NRXN3: variants seen among roughly 807,000 people sequenced by gnomAD.
The protein encoded by NRXN3 is neurexin 3.
A neutral mutation model predicts 137.6 loss-of-function variants in NRXN3; 32 were observed. The observed-to-expected ratio is 0.23, with a 90% confidence interval of 0.18 to 0.31. The LOEUF (loss-of-function observed/expected upper bound fraction) is 0.31. Ranked by LOEUF, NRXN3 falls within the 10% of genes least tolerant of loss-of-function variation. The pLI, the probability that NRXN3 is intolerant of heterozygous loss-of-function variation, is 1.00. For synonymous variants in NRXN3, 798 were observed against 784.5 expected (o/e 1.02, Z -0.29); for missense variants, 1,574 against 2,062.5 (o/e 0.76, Z 4.59).
At chr14:78,474,664 G>A (rs2095347121) in intron 4 of NRXN3, among the ~76,000 whole-genome samples, 1 of 152,202 alleles carries the variant, frequency 6.6e-6, no homozygotes, top group African/African-American at 2.4e-5. Context: ...AGTTGCCAAT[G>A]TTGTTTGCAT....
chr14:78,901,670 G>A (rs1281185574), intron 10 of NRXN3, among the ~76,000 whole-genome samples: 2 of 151,950 alleles, frequency 1.3e-5, no homozygotes, highest in African/African-American at 4.8e-5. Flanking sequence ...GTTAATGACA[G>A]GTAAGGAAGC....
chr14:79,853,554 C>A, intron 20 of NRXN3: 1 of 1,350,552 alleles, frequency 7.4e-7, no homozygotes, highest in Non-Finnish European at 9.8e-7. Flanking sequence ...AGCTCTAATG[C>A]AGCTAGATCA....
intron 4 of NRXN3, among the ~76,000 whole-genome samples, chr14:78,336,646 G>A (rs1299464790): frequency 6.6e-6 from 1 of 152,172 alleles, no homozygotes; most frequent in African/African-American, 2.4e-5. Flanking sequence ...GATGAGGAGA[G>A]TAAGTGCCTC....
At chr14:79,256,206 C>T (rs570793023) in intron 15 of NRXN3, among the ~76,000 whole-genome samples, 1 of 151,712 alleles carries the variant, frequency 6.6e-6, no homozygotes, top group Non-Finnish European at 1.5e-5. Context: ...CACACACACA[C>T]CCCCCAGAAG....
At chr14:78,187,899 G>A (rs1232899252) in intron 1 of NRXN3, among the ~76,000 whole-genome samples, 1 of 152,018 alleles carries the variant, frequency 6.6e-6, no homozygotes, top group Non-Finnish European at 1.5e-5. Context: ...TACTGTGGAG[G>A]AAGGGGAGTC....
intron 8 of NRXN3, among the ~76,000 whole-genome samples, chr14:78,766,135 T>G (rs1254215061): frequency 6.6e-6 from 1 of 152,202 alleles, no homozygotes; most frequent in African/African-American, 2.4e-5. Context: ...GATGACATCT[T>G]AATATATAAA....
chr14:79,617,003 A>C (rs1450423213), intron 16 of NRXN3, among the ~76,000 whole-genome samples: 1 of 152,000 alleles, frequency 6.6e-6, no homozygotes, highest in Admixed American at 6.6e-5. Context: ...TCCTGATCTC[A>C]TAGGCCTGAT....
chr14:79,125,286 A>G (rs1200515036), intron 15 of NRXN3, among the ~76,000 whole-genome samples: 1 of 152,200 alleles, frequency 6.6e-6, no homozygotes, highest in Non-Finnish European at 1.5e-5. Flanking sequence ...TTATTAGTGT[A>G]TAAAATTATC....
chr14:78,770,951 A>G (rs1464017563), intron 8 of NRXN3, among the ~76,000 whole-genome samples: 3 of 152,230 alleles, frequency 2.0e-5, no homozygotes, highest in Non-Finnish European at 4.4e-5. Context: ...GGTAACACGT[A>G]TGAAAGGAAA....
intron 4 of NRXN3, among the ~76,000 whole-genome samples, chr14:78,448,706 G>T (rs1214535420): frequency 6.6e-6 from 1 of 152,178 alleles, no homozygotes; most frequent in East Asian, 1.9e-4. Flanking sequence ...TGCTCCTGGG[G>T]ATCCCCAAAG....
intron 16 of NRXN3, among the ~76,000 whole-genome samples, chr14:79,603,060 C>G (rs371079879): frequency 1.3e-5 from 2 of 152,224 alleles, no homozygotes; most frequent in Non-Finnish European, 2.9e-5. Context: ...CATCTGGAAT[C>G]CAGTTCTCTT....
chr14:79,392,090 C>T (rs925328365), intron 15 of NRXN3, among the ~76,000 whole-genome samples: 7 of 152,044 alleles, frequency 4.6e-5, no homozygotes, highest in Admixed American at 3.9e-4. Context: ...GTTTGCTGCA[C>T]CCATCAACCC....
chr14:79,073,413 G>A (rs2099690921), intron 15 of NRXN3, among the ~76,000 whole-genome samples: 1 of 151,860 alleles, frequency 6.6e-6, no homozygotes, highest in African/African-American at 2.4e-5. Context: ...AGACAAATTG[G>A]CATTTATTTT....
intron 1 of NRXN3, among the ~76,000 whole-genome samples, chr14:78,209,869 T>C (rs997111846): frequency 1.3e-5 from 2 of 152,234 alleles, no homozygotes; most frequent in East Asian, 1.9e-4. Context: ...TTATCTACTT[T>C]ATTATTTTTT....
intron 10 of NRXN3, among the ~76,000 whole-genome samples, chr14:78,853,656 G>A (rs1011329421): frequency 6.6e-6 from 1 of 151,996 alleles, no homozygotes; most frequent in Admixed American, 6.6e-5. Flanking sequence ...CACGTTTAAG[G>A]ACTGACTCAC....
At chr14:78,927,567 G>A (rs1768520790) in intron 10 of NRXN3, among the ~76,000 whole-genome samples, 2 of 152,118 alleles carry the variant, frequency 1.3e-5, no homozygotes. Flanking sequence ...ATACAGTGTT[G>A]AGAGTTTTGG....
intron 20 of NRXN3, among the ~76,000 whole-genome samples, chr14:79,822,073 CTG>C (rs2099274447): frequency 6.6e-6 from 1 of 152,064 alleles, no homozygotes; most frequent in African/African-American, 2.4e-5. Flanking sequence ...ATATACAACT[CTG>C]TATTATTTTA....
chr14:79,429,089 A>G (rs1018083290), intron 15 of NRXN3, among the ~76,000 whole-genome samples: 1 of 152,198 alleles, frequency 6.6e-6, no homozygotes, highest in Non-Finnish European at 1.5e-5. Context: ...GGTGAATTTA[A>G]TACCAGACGC....
In NRXN3 at chr14:79,056,796, C is replaced by A. The variant is rs983737254; in HGVS notation, c.3262+68655C>A. On this transcript the variant is annotated intron_variant, in intron 15 of 20. Transcript: ENST00000335750. ...TAAGTGAGATGGACAAGGCATAAGGCAATAAGTACTGGGACTATGGAAAAT... is the reference window on the plus strand; with the variant it reads ...TAAGTGAGATGGACAAGGCATAAGGAAATAAGTACTGGGACTATGGAAAAT... Among the ~76,000 whole-genome samples the A allele has an allele frequency of 8.5e-5, 13 of 152,288 alleles. 1 individual carries two copies. Among genetic ancestry groups the A allele is most frequent in the African/African-American group, 2.6e-4 (11 of 41,568 alleles).
Sources: gnomAD v4.1 joint callset for allele counts (sites outside exome capture counted in the v4.1 genomes callset) on GRCh38, gnomAD v4.1.1 for gene constraint, MANE v1.5 for transcripts, NCBI Gene and HGNC (gene_info 2026-07-23, HGNC 2026-07-21) for gene names.